LRRTM4: variants seen among roughly 807,000 people sequenced by gnomAD.
LRRTM4 encodes the protein leucine rich repeat transmembrane neuronal 4.
LRRTM4 carries 25 observed loss-of-function variants against 47.6 expected under a neutral mutation model. The ratio of observed to expected loss-of-function variants is 0.53; its 90% CI spans 0.38 to 0.73. The LOEUF is 0.73. LRRTM4 is among the 30% of genes least tolerant of loss of function. LRRTM4 has a pLI of 0.00. For synonymous variants in LRRTM4, 311 were observed against 269.5 expected (o/e 1.15, Z -1.51); for missense variants, 638 against 713.4 (o/e 0.89, Z 1.20).
chr2:77,398,083 T>C (rs1253673268), intron 3 of LRRTM4, among the ~76,000 whole-genome samples: 1 of 151,866 alleles, frequency 6.6e-6, no homozygotes, highest in Non-Finnish European at 1.5e-5. Context: ...TCCCATTTCA[T>C]TGTGCCCTAC....
intron 3 of LRRTM4, among the ~76,000 whole-genome samples, chr2:76,937,357 A>G (rs922170907): frequency 6.6e-6 from 1 of 152,158 alleles, no homozygotes; most frequent in Non-Finnish European, 1.5e-5. Flanking sequence ...GTTCTACTGG[A>G]AGGCAGGACT....
intron 3 of LRRTM4, among the ~76,000 whole-genome samples, chr2:77,145,326 T>G (rs1672228650): frequency 6.6e-6 from 1 of 151,548 alleles, no homozygotes; most frequent in Non-Finnish European, 1.5e-5. Context: ...TTGAAAAAAT[T>G]AAACACAGGA....
chr2:77,047,200 T>G (rs1424931729), intron 3 of LRRTM4, among the ~76,000 whole-genome samples: 1 of 152,050 alleles, frequency 6.6e-6, no homozygotes, highest in African/African-American at 2.4e-5. Context: ...GGTGATTGCA[T>G]TATTAAATGA....
intron 3 of LRRTM4, among the ~76,000 whole-genome samples, chr2:76,773,227 A>G (rs1673791350): frequency 6.6e-6 from 1 of 152,196 alleles, no homozygotes; most frequent in South Asian, 2.1e-4. Context: ...CATAAGCCCC[A>G]AGTAGCAAAC....
intron 3 of LRRTM4, among the ~76,000 whole-genome samples, chr2:76,867,986 T>C (rs1672512957): frequency 6.6e-6 from 1 of 152,196 alleles, no homozygotes; most frequent in African/African-American, 2.4e-5. Flanking sequence ...TTATTATTGA[T>C]TCTTACTGCC....
intron 3 of LRRTM4, among the ~76,000 whole-genome samples, chr2:76,794,100 C>A (rs1517782): frequency 0.11 from 16,998 of 152,228 alleles, 1,131 homozygotes; most frequent in Non-Finnish European, 0.14. Flanking sequence ...TGAGCCACAT[C>A]CCACATGGAG....
intron 3 of LRRTM4, among the ~76,000 whole-genome samples, chr2:76,908,640 C>T (rs1455504588): frequency 6.6e-6 from 1 of 152,154 alleles, no homozygotes; most frequent in African/African-American, 2.4e-5. Context: ...GCAACTTCAG[C>T]AAAGTTTCAG....
chr2:77,143,605 CAAT>C (rs1365248078), intron 3 of LRRTM4, among the ~76,000 whole-genome samples: 1 of 152,042 alleles, frequency 6.6e-6, no homozygotes, highest in Non-Finnish European at 1.5e-5. Flanking sequence ...GAGAGACAAA[CAAT>C]AAAAGTGTGA....
chr2:77,509,268 T>A lies in LRRTM4; in HGVS notation c.1551+9050A>T, dbSNP rs115759951. Among the ~76,000 whole-genome samples the A allele has an allele frequency of 8.4e-3, 1,249 of 148,814 alleles. 9 individuals carry two copies. The highest frequency in any genetic ancestry group is 0.014 in the Non-Finnish European group (931 of 67,428). On this transcript the variant is annotated intron_variant, in intron 3 of 3. Coordinates refer to ENST00000409884, the MANE Select transcript of LRRTM4 (RefSeq NM_001134745.3). ...AAAAGCCAAAAACAAACAAACAAAC[T>A]GTTTCTGCTTATTAAAATGAACTGA...
intron 3 of LRRTM4, among the ~76,000 whole-genome samples, chr2:76,797,528 C>T (rs561479441): frequency 2.0e-5 from 3 of 151,810 alleles, no homozygotes; most frequent in Admixed American, 6.6e-5. Context: ...AATGTAAAGA[C>T]CATCGAGACT....
At chr2:77,107,909 G>C (rs1671142865) in intron 3 of LRRTM4, among the ~76,000 whole-genome samples, 1 of 151,018 alleles carries the variant, frequency 6.6e-6, no homozygotes, top group Non-Finnish European at 1.5e-5. Context: ...AAAATAACTT[G>C]CCATTATAAG....
intron 3 of LRRTM4, among the ~76,000 whole-genome samples, chr2:77,515,819 A>T (rs1679187164): frequency 1.3e-5 from 2 of 151,828 alleles, no homozygotes; most frequent in African/African-American, 4.8e-5. Context: ...TCAACAGGAG[A>T]AATTTTACTC....
intron 3 of LRRTM4, among the ~76,000 whole-genome samples, chr2:77,512,914 T>C (rs1183775251): frequency 6.6e-6 from 1 of 152,142 alleles, no homozygotes; most frequent in East Asian, 1.9e-4. Flanking sequence ...GGGCCATTTA[T>C]TGTCAGTTTA....
At chr2:76,897,626 T>A (rs1573275574) in intron 3 of LRRTM4, among the ~76,000 whole-genome samples, 1 of 152,176 alleles carries the variant, frequency 6.6e-6, no homozygotes, top group Non-Finnish European at 1.5e-5. Flanking sequence ...ATAGCTGTTG[T>A]CATGCCTATA....
chr2:77,463,100 G>A (rs908479231), intron 3 of LRRTM4, among the ~76,000 whole-genome samples: 5 of 152,010 alleles, frequency 3.3e-5, no homozygotes, highest in Non-Finnish European at 7.4e-5. Context: ...ACATCATAGA[G>A]TGACTTACAA....
At chr2:77,476,292 A>G (rs2861076) in intron 3 of LRRTM4, among the ~76,000 whole-genome samples, 43,994 of 151,940 alleles carry the variant, frequency 0.29, 6,573 homozygotes, top group Admixed American at 0.38. Flanking sequence ...CTACCTTAAT[A>G]CTTTCTAGTT....
intron 3 of LRRTM4, among the ~76,000 whole-genome samples, chr2:76,842,167 G>A (rs1468681511): frequency 3.3e-5 from 5 of 152,132 alleles, no homozygotes; most frequent in Admixed American, 1.3e-4. Context: ...ACAAAAGGTT[G>A]AATTAACTCT....
chr2:77,071,207 C>A (rs1351770596), intron 3 of LRRTM4, among the ~76,000 whole-genome samples: 1 of 152,102 alleles, frequency 6.6e-6, no homozygotes, highest in African/African-American at 2.4e-5. Context: ...CATAAAATCC[C>A]ACTGTCCAAT....
intron 3 of LRRTM4, among the ~76,000 whole-genome samples, chr2:76,854,709 A>AC (rs1672096327): frequency 6.6e-6 from 1 of 152,160 alleles, no homozygotes; most frequent in African/African-American, 2.4e-5. Context: ...AGATGTCGCT[A>AC]CTTACTTATT....
Sources: allele counts gnomAD v4.1 joint callset (sites outside exome capture counted in the v4.1 genomes callset), GRCh38; gene constraint gnomAD v4.1.1; transcripts MANE v1.5; gene names NCBI Gene and HGNC (gene_info 2026-07-23, HGNC 2026-07-21).